The following FRMD4A variants were observed in gnomAD, a reference collection of about 807,000 sequenced individuals.
The protein encoded by FRMD4A is FERM domain-containing protein 4A.
In FRMD4A, 29 loss-of-function variants were observed where a neutral mutation model predicts 129.1. That is an observed-to-expected ratio of 0.22 (90% CI 0.17 to 0.31). The LOEUF is 0.31. Among genes scored for constraint, FRMD4A ranks in the 10% least tolerant of loss-of-function variants. The pLI is 1.00. For synonymous variants in FRMD4A, 634 were observed against 571.6 expected (o/e 1.11, Z -1.56); for missense variants, 1,272 against 1,375.8 (o/e 0.92, Z 1.19).
chr10:13,990,395 G>A (rs1450021553), intron 2 of FRMD4A, among the ~76,000 whole-genome samples: 2 of 152,214 alleles, frequency 1.3e-5, no homozygotes, highest in Non-Finnish European at 2.9e-5. Context: ...CCAGAGACGT[G>A]CCTTCCTCTT....
At chr10:13,705,147 C>T (rs1204673534) in intron 13 of FRMD4A, among the ~76,000 whole-genome samples, 3 of 152,150 alleles carry the variant, frequency 2.0e-5, no homozygotes, top group Admixed American at 2.0e-4. Context: ...ACCCTGCCTC[C>T]GACTTCCTTC....
chr10:14,253,415 T>C (rs1239082282), intron 2 of FRMD4A, among the ~76,000 whole-genome samples: 1 of 152,212 alleles, frequency 6.6e-6, no homozygotes, highest in Non-Finnish European at 1.5e-5. Flanking sequence ...CAAGTGTAAT[T>C]GCTATAGCAA....
intron 3 of FRMD4A, among the ~76,000 whole-genome samples, chr10:13,813,769 T>C (rs867132044): frequency 6.6e-6 from 1 of 152,244 alleles, no homozygotes; most frequent in African/African-American, 2.4e-5. Context: ...CAGAGCGTAT[T>C]GTACCGCGTA....
intron 2 of FRMD4A, among the ~76,000 whole-genome samples, chr10:14,038,987 T>C (rs186277773): frequency 5.3e-5 from 8 of 152,340 alleles, no homozygotes; most frequent in Admixed American, 3.3e-4. Flanking sequence ...TGGACACCGT[T>C]AATTTCTCAG....
chr10:14,034,052 G>A (rs1264342386), intron 2 of FRMD4A, among the ~76,000 whole-genome samples: 1 of 152,116 alleles, frequency 6.6e-6, no homozygotes. Flanking sequence ...CTAAACACGG[G>A]TCCACTATGT....
intron 2 of FRMD4A, among the ~76,000 whole-genome samples, chr10:14,160,615 T>C (rs1230369958): frequency 1.3e-5 from 2 of 152,110 alleles, no homozygotes; most frequent in East Asian, 1.9e-4. Context: ...AATAATCCCA[T>C]TAAAATGTGG....
At chr10:14,238,056 T>C (rs1589214555) in intron 2 of FRMD4A, among the ~76,000 whole-genome samples, 1 of 152,132 alleles carries the variant, frequency 6.6e-6, no homozygotes. Flanking sequence ...AGTGCTTAAA[T>C]CCCAGCCACT....
intron 3 of FRMD4A, among the ~76,000 whole-genome samples, chr10:13,839,451 G>A (rs1404294712): frequency 1.3e-5 from 2 of 152,168 alleles, no homozygotes; most frequent in African/African-American, 2.4e-5. Flanking sequence ...CAGGATTCCT[G>A]CCATAAAACG....
intron 2 of FRMD4A, among the ~76,000 whole-genome samples, chr10:14,091,583 G>T (rs980878661): frequency 1.3e-5 from 2 of 152,138 alleles, no homozygotes; most frequent in Non-Finnish European, 2.9e-5. Context: ...ACAGGCATGG[G>T]CCACCATGCC....
chr10:13,678,655 T>G (rs148531740), intron 15 of FRMD4A, among the ~76,000 whole-genome samples: 3 of 152,364 alleles, frequency 2.0e-5, no homozygotes, highest in African/African-American at 7.2e-5. Context: ...TCATTGCAAC[T>G]GCCTCTTCAC....
chr10:14,090,225 C>G (rs909353602), intron 2 of FRMD4A, among the ~76,000 whole-genome samples: 2 of 152,120 alleles, frequency 1.3e-5, no homozygotes, highest in Non-Finnish European at 2.9e-5. Context: ...GCAGGCCGAC[C>G]GCTGCACGGG....
intron 2 of FRMD4A, among the ~76,000 whole-genome samples, chr10:14,137,814 A>G (rs1038308329): frequency 6.6e-6 from 1 of 152,080 alleles, no homozygotes; most frequent in African/African-American, 2.4e-5. Context: ...TTCTAGCTAA[A>G]AGCATTTTTT....
intron 2 of FRMD4A, among the ~76,000 whole-genome samples, chr10:14,110,819 GTATTT>G (rs1588997105): frequency 2.0e-5 from 3 of 152,010 alleles, no homozygotes; most frequent in African/African-American, 7.2e-5. Context: ...TTAGTTCTGT[GTATTT>G]TATTTTATTA....
In FRMD4A at chr10:13,656,937, G is replaced by T. The variant is rs375022907; in HGVS notation, c.2652C>A (p.Arg884=). 521 of 1,510,480 alleles carry T rather than the reference G, an allele frequency of 3.4e-4. No homozygotes were observed. Among genetic ancestry groups the T allele is most frequent in the Non-Finnish European group, 4.1e-4 (463 of 1,135,666 alleles). 93.6% of individuals were successfully genotyped at this position (1,510,480 alleles called of 1,614,324 possible). A position where few individuals can be genotyped will look rare whatever the true frequency, so the allele number is the denominator to read the frequency against. The change falls in exon 22 of 25, where the codon CGC becomes CGA. Residue 884 remains arginine, a synonymous_variant. Transcript: ENST00000357447. ...TGTCGCCCTCGTCGCCGCCGCCGCCGCGCCAGCTCTCCTTGAACAGGCCGC... is the reference window on the plus strand; with the variant it reads ...TGTCGCCCTCGTCGCCGCCGCCGCCTCGCCAGCTCTCCTTGAACAGGCCGC... ...TAGGLFKESW[R]GGGGDEGDTG...
At chr10:14,139,070 A>G (rs1839698204) in intron 2 of FRMD4A, among the ~76,000 whole-genome samples, 1 of 152,210 alleles carries the variant, frequency 6.6e-6, no homozygotes, top group Non-Finnish European at 1.5e-5. Flanking sequence ...AGTGGCAAGT[A>G]TCTGTGTCCT....
intron 2 of FRMD4A, chr10:14,008,619 A>T: frequency 2.4e-6 from 1 of 408,602 alleles, no homozygotes; most frequent in Non-Finnish European, 3.3e-6. Flanking sequence ...TCGGCCGTAC[A>T]GTAGGTCACA....
chr10:13,754,696 C>T (rs998069301), intron 8 of FRMD4A, among the ~76,000 whole-genome samples: 2 of 152,000 alleles, frequency 1.3e-5, no homozygotes, highest in Non-Finnish European at 1.5e-5. Context: ...TCAAGTTTAA[C>T]AGATCAACTT....
chr10:14,051,379 C>CT (rs1367682166), intron 2 of FRMD4A, among the ~76,000 whole-genome samples: 1 of 152,186 alleles, frequency 6.6e-6, no homozygotes, highest in African/African-American at 2.4e-5. Flanking sequence ...TTGAGAGTAT[C>CT]TATGGCACAG....
intron 2 of FRMD4A, among the ~76,000 whole-genome samples, chr10:14,025,968 C>T (rs1832968346): frequency 6.6e-6 from 1 of 152,180 alleles, no homozygotes; most frequent in South Asian, 2.1e-4. Context: ...TGTCAAGACG[C>T]TAATGGCCAT....
Sources: gnomAD v4.1 joint callset for allele counts (sites outside exome capture counted in the v4.1 genomes callset) on GRCh38, gnomAD v4.1.1 for gene constraint, MANE v1.5 for transcripts, NCBI Gene and HGNC (gene_info 2026-07-23, HGNC 2026-07-21) for gene names.